COL14A1: variants seen among roughly 807,000 people sequenced by gnomAD.
COL14A1 encodes the protein collagen alpha-1(XIV) chain.
Under a neutral mutation model 230.3 loss-of-function variants are expected in COL14A1, and 136 were observed. The ratio of observed to expected loss-of-function variants is 0.59; its 90% confidence interval spans 0.51 to 0.68. The LOEUF is 0.68. COL14A1 is among the 30% of genes least tolerant of loss of function. The pLI is 0.00. For missense variants in COL14A1, 1,976 were observed against 2,215.8 expected (o/e 0.89, Z 2.17); for synonymous variants, 792 against 784.1 (o/e 1.01, Z -0.17).
At chr8:120,331,558 G>T (rs1341964351) in intron 40 of COL14A1, among the ~76,000 whole-genome samples, 1 of 152,116 alleles carries the variant, frequency 6.6e-6, no homozygotes, top group Non-Finnish European at 1.5e-5. Flanking sequence ...CTTGCTTTCT[G>T]CCTTAAATCC....
intron 5 of COL14A1, among the ~76,000 whole-genome samples, chr8:120,194,325 A>G (rs759920498): frequency 5.3e-5 from 8 of 152,192 alleles, no homozygotes; most frequent in Non-Finnish European, 8.8e-5. Flanking sequence ...TGCATGCCAG[A>G]TAGGATTATT....
intron 19 of COL14A1, among the ~76,000 whole-genome samples, chr8:120,234,250 A>G (rs1563687519): frequency 6.6e-6 from 1 of 152,228 alleles, no homozygotes; most frequent in Non-Finnish European, 1.5e-5. Flanking sequence ...CAATCATGTC[A>G]TCTGCAAACA....
chr8:120,371,058 A>T, intron 47 of COL14A1, 94 bp from the exon 48 acceptor site: 1 of 1,156,240 alleles, frequency 8.6e-7, no homozygotes, highest in South Asian at 1.5e-5. Context: ...ACCCAGCAGG[A>T]TATCTCTGTG....
At chr8:120,239,115 A>T (rs929736929) in intron 19 of COL14A1, among the ~76,000 whole-genome samples, 3 of 152,194 alleles carry the variant, frequency 2.0e-5, no homozygotes, top group African/African-American at 7.2e-5. Flanking sequence ...TACACTTTTA[A>T]TCATGGCCTT....
chr8:120,177,054 T>C (rs543490064), intron 5 of COL14A1, among the ~76,000 whole-genome samples: 1 of 152,264 alleles, frequency 6.6e-6, no homozygotes, highest in African/African-American at 2.4e-5. Flanking sequence ...ATGCATAACC[T>C]TGGGCCTGTG....
intron 23 of COL14A1, 142 bp downstream of exon 23, chr8:120,255,498 T>C: frequency 1.5e-6 from 1 of 683,024 alleles, no homozygotes; most frequent in African/African-American, 1.8e-5. Context: ...TCATGCTGCA[T>C]ATGGGGTCTG....
At chr8:120,224,983 GTGTTTATAGCTTTGC>G in intron 14 of COL14A1, 90 bp from the exon 15 acceptor site, 1 of 1,012,744 alleles carries the variant, frequency 9.9e-7, no homozygotes, top group Non-Finnish European at 1.4e-6. Context: ...TTGTTTTGCA[GTGTTTATAGCTTTGC>G]TGTCAGCTAA....
chr8:120,230,097 G>C lies in COL14A1; in HGVS notation c.2197+1328G>C, dbSNP rs149805065. 1.6e-3 allele frequency among the ~76,000 whole-genome samples: 237 copies of C among 152,182 alleles called. 1 individual carries two copies. Among genetic ancestry groups the C allele is most frequent in the African/African-American group, 5.4e-3 (226 of 41,534 alleles). ...AGGTCTTTCCATATTACCCAGGCTG[G>C]TCTTTAACTCCTGAGCTCAAATGTT... On this transcript the variant is annotated intron_variant, in intron 18 of 47. Transcript: ENST00000297848.
intron 18 of COL14A1, among the ~76,000 whole-genome samples, chr8:120,229,524 G>A (rs1818202571): frequency 1.3e-5 from 2 of 151,922 alleles, no homozygotes; most frequent in African/African-American, 4.8e-5. Context: ...TTGGACATTT[G>A]GGTTGGTTCC....
At chr8:120,132,014 A>G (rs1373472216) in intron 1 of COL14A1, among the ~76,000 whole-genome samples, 1 of 151,058 alleles carries the variant, frequency 6.6e-6, no homozygotes, top group Non-Finnish European at 1.5e-5. Flanking sequence ...ATGCCCAGAT[A>G]ATTTTTTATA....
At chr8:120,314,130 G>C (rs1821131942) in intron 38 of COL14A1, 103 bp downstream of exon 38, 1 of 804,196 alleles carries the variant, frequency 1.2e-6, no homozygotes, top group Non-Finnish European at 1.9e-6. Context: ...ATGAACCTCA[G>C]TCCCTTTGAA....
intron 19 of COL14A1, among the ~76,000 whole-genome samples, chr8:120,242,031 C>T (rs781346774): frequency 5.9e-5 from 9 of 152,066 alleles, no homozygotes; most frequent in Non-Finnish European, 8.8e-5. Context: ...CTTTGTTTTA[C>T]GCACAAAATT....
At chr8:120,205,600 T>A (rs748582548) in intron 9 of COL14A1, among the ~76,000 whole-genome samples, 31 of 152,146 alleles carry the variant, frequency 2.0e-4, no homozygotes, top group Non-Finnish European at 4.3e-4. Context: ...GTGAAATGGT[T>A]CTTTCTGGCT....
At chr8:120,280,546 T>G (rs1471889260) in intron 29 of COL14A1, among the ~76,000 whole-genome samples, 165 bp from the exon 30 acceptor site, 2 of 152,208 alleles carry the variant, frequency 1.3e-5, no homozygotes, top group Non-Finnish European at 2.9e-5. Flanking sequence ...TTAGCACATT[T>G]CAATCTTCAT....
chr8:120,336,941 C>T (rs554978307), intron 42 of COL14A1, among the ~76,000 whole-genome samples: 30 of 152,310 alleles, frequency 2.0e-4, no homozygotes, highest in Middle Eastern at 3.4e-3. Flanking sequence ...TGTCCCTTCG[C>T]AGGCTGTTAG....
chr8:120,340,981 G>A (rs1268173150), intron 42 of COL14A1, among the ~76,000 whole-genome samples: 1 of 152,176 alleles, frequency 6.6e-6, no homozygotes, highest in Non-Finnish European at 1.5e-5. Context: ...ATCCTCAGTA[G>A]AATACAGTAC....
chr8:120,332,090 A>G (rs776892448), intron 40 of COL14A1, 51 bp from the exon 41 acceptor site: 17 of 1,535,966 alleles, frequency 1.1e-5, no homozygotes, highest in Non-Finnish European at 1.5e-5. Flanking sequence ...GCCCATTCTG[A>G]AAGCCATATA....
intron 2 of COL14A1, among the ~76,000 whole-genome samples, chr8:120,149,381 T>C (rs918748201): frequency 1.3e-5 from 2 of 152,232 alleles, no homozygotes; most frequent in African/African-American, 4.8e-5. Flanking sequence ...AACTACTTCA[T>C]TGAACACACA....
intron 24 of COL14A1, among the ~76,000 whole-genome samples, chr8:120,266,113 C>T (rs989821218): frequency 3.9e-5 from 6 of 151,946 alleles, no homozygotes; most frequent in Non-Finnish European, 7.4e-5. Context: ...GTAATAACAT[C>T]GTATTTTATG....
Sources: allele counts gnomAD v4.1 joint callset (sites outside exome capture counted in the v4.1 genomes callset), GRCh38; gene constraint gnomAD v4.1.1; transcripts MANE v1.5; gene names NCBI Gene and HGNC (gene_info 2026-07-23, HGNC 2026-07-21).